Variants in KCNH7 observed in about 807,000 individuals in gnomAD.
The protein encoded by KCNH7 is voltage-gated inwardly rectifying potassium channel KCNH7.
Under a neutral mutation model 120.8 loss-of-function variants are expected in KCNH7, and 49 were observed. The observed-to-expected ratio is 0.41, with a 90% confidence interval of 0.32 to 0.51. The LOEUF is 0.51. Among genes scored for constraint, KCNH7 ranks in the 20% least tolerant of loss-of-function variants. The pLI, the probability that KCNH7 is intolerant of heterozygous loss-of-function variation, is 0.38. For synonymous variants in KCNH7, 547 were observed against 516.1 expected, an observed-to-expected ratio of 1.06 and a Z score of -0.81; for missense variants, 1,097 against 1,446.6, an observed-to-expected ratio of 0.76 and a Z score of 3.92.
chr2:162,427,617 T>C (rs1282607182), intron 8 of KCNH7, among the ~76,000 whole-genome samples: 1 of 151,972 alleles, frequency 6.6e-6, no homozygotes, highest in Non-Finnish European at 1.5e-5. Context: ...GATCTCGGTA[T>C]TGAAAATATT....
intron 6 of KCNH7, among the ~76,000 whole-genome samples, chr2:162,473,085 A>G (rs1689616036): frequency 6.6e-6 from 1 of 151,736 alleles, no homozygotes; most frequent in Non-Finnish European, 1.5e-5. Flanking sequence ...GTAGGGGGAG[A>G]GGGGAGGGAT....
chr2:162,388,746 T>C (rs1479196730), intron 12 of KCNH7, among the ~76,000 whole-genome samples: 1 of 151,968 alleles, frequency 6.6e-6, no homozygotes, highest in Admixed American at 6.6e-5. Flanking sequence ...TATTTTATTT[T>C]GAAGAAACAC....
intron 2 of KCNH7, among the ~76,000 whole-genome samples, chr2:162,756,944 A>G (rs370439900): frequency 9.9e-5 from 15 of 152,274 alleles, no homozygotes; most frequent in South Asian, 8.3e-4. Flanking sequence ...GGCCTGAATC[A>G]ATATCAATTT....
At chr2:162,721,780 A>G (rs925168319) in intron 2 of KCNH7, among the ~76,000 whole-genome samples, 51 of 152,246 alleles carry the variant, frequency 3.3e-4, no homozygotes, top group African/African-American at 1.2e-3. Flanking sequence ...GGTATTATAA[A>G]AAATAATTAA....
At chr2:162,408,869 C>T (rs933647214) in intron 9 of KCNH7, among the ~76,000 whole-genome samples, 2 of 151,298 alleles carry the variant, frequency 1.3e-5, no homozygotes, top group Non-Finnish European at 2.9e-5. Flanking sequence ...GAACAATACT[C>T]GATGATAATT....
chr2:162,568,116 A>G (rs1693322996), intron 2 of KCNH7, among the ~76,000 whole-genome samples: 1 of 152,008 alleles, frequency 6.6e-6, no homozygotes, highest in South Asian at 2.1e-4. Flanking sequence ...TGGCAGCAGA[A>G]GAAGGAATGA....
chr2:162,673,813 G>A (rs551876850), intron 2 of KCNH7, among the ~76,000 whole-genome samples: 4 of 151,830 alleles, frequency 2.6e-5, no homozygotes, highest in Non-Finnish European at 5.9e-5. Context: ...ATCTTCAATA[G>A]AGCTAAAAAT....
chr2:162,741,954 A>G (rs1050606398), intron 2 of KCNH7, among the ~76,000 whole-genome samples: 1 of 152,210 alleles, frequency 6.6e-6, no homozygotes, highest in African/African-American at 2.4e-5. Context: ...GGATTTCTTC[A>G]TACTTTGTTT....
At chr2:162,542,584 C>A (rs1692347068) in intron 2 of KCNH7, among the ~76,000 whole-genome samples, 2 of 151,990 alleles carry the variant, frequency 1.3e-5, no homozygotes, top group South Asian at 4.2e-4. Flanking sequence ...ATGGACTCAT[C>A]ATTTTTTATG....
At chr2:162,619,134 T>C (rs1429886797) in intron 2 of KCNH7, among the ~76,000 whole-genome samples, 1 of 152,054 alleles carries the variant, frequency 6.6e-6, no homozygotes, top group Non-Finnish European at 1.5e-5. Flanking sequence ...CAATTGTGTG[T>C]CAGAGCTGTG....
At chr2:162,491,920 C>T (rs753237867) in intron 6 of KCNH7, among the ~76,000 whole-genome samples, 1 of 152,138 alleles carries the variant, frequency 6.6e-6, no homozygotes, top group South Asian at 2.1e-4. Flanking sequence ...GTCTTCTCTT[C>T]GTGGATGGGT....
chr2:162,456,519 C>T lies in KCNH7; in HGVS notation c.1129-10076G>A, dbSNP rs539904251. 1.5e-3 allele frequency among the ~76,000 whole-genome samples: 234 copies of T among 152,014 alleles called. 2 individuals carry two copies. The highest frequency in any genetic ancestry group is 5.3e-3 in the African/African-American group (219 of 41,516). ...TGGAGAGTTCTGTAGACATCTATTA[C>T]GTCCACTTGATCCACAGCTGAGTTC... is the stretch of plus-strand genomic sequence containing the variant. On this transcript the variant is annotated intron_variant, in intron 6 of 15. Transcript: ENST00000332142.
chr2:162,485,271 T>G (rs977741363), intron 6 of KCNH7, among the ~76,000 whole-genome samples: 2 of 152,170 alleles, frequency 1.3e-5, no homozygotes, highest in Non-Finnish European at 2.9e-5. Flanking sequence ...ATTCAAAATC[T>G]TAAAATTACT....
rs370639240 is a variant in KCNH7, at chr2:162,684,929, C to T, written c.308-147849G>A. Reference sequence around the variant, plus strand: ...TTAACTGCAGCACTGTTCACAATGGCAAAGACTTGGAGCCAACCCAAACGC... The same window carrying T: ...TTAACTGCAGCACTGTTCACAATGGTAAAGACTTGGAGCCAACCCAAACGC... On this transcript the variant is annotated intron_variant, in intron 2 of 15. Coordinates refer to ENST00000332142, the MANE Select transcript of KCNH7 (RefSeq NM_033272.4). 9.2e-5 allele frequency among the ~76,000 whole-genome samples: 14 copies of T among 152,174 alleles called. No homozygotes were observed. In the East Asian group the frequency reaches 2.3e-3, roughly 25 times the overall value.
At chr2:162,733,184 AG>A (rs1687785495) in intron 2 of KCNH7, among the ~76,000 whole-genome samples, 6 of 152,220 alleles carry the variant, frequency 3.9e-5, no homozygotes, top group Admixed American at 3.9e-4. Context: ...TTTGGTGACT[AG>A]GTTGCCAATC....
intron 7 of KCNH7, among the ~76,000 whole-genome samples, chr2:162,438,474 T>TG (rs1393288335): frequency 1.3e-5 from 2 of 152,160 alleles, no homozygotes; most frequent in African/African-American, 4.8e-5. Flanking sequence ...TGGGACATGT[T>TG]GAAGTCTCAA....
intron 2 of KCNH7, among the ~76,000 whole-genome samples, chr2:162,670,679 C>A (rs969508035): frequency 1.3e-5 from 2 of 150,954 alleles, no homozygotes; most frequent in Admixed American, 1.3e-4. Context: ...CCTAGGATAA[C>A]CTGTAATGAT....
Position 162,518,145 on chromosome 2 carries a change from C to T in KCNH7, c.477G>A (p.Gly159=), listed in dbSNP as rs767930016. 6.2e-6 allele frequency: 10 copies of T among 1,607,000 alleles called. No homozygotes were observed. Among genetic ancestry groups the T allele is most frequent in the Non-Finnish European group, 7.7e-6 (9 of 1,176,030 alleles). The change falls in exon 4 of 16, where the codon GGG becomes GGA. Residue 159 remains glycine (G), a synonymous_variant. Coordinates refer to ENST00000332142, the MANE Select transcript of KCNH7 (RefSeq NM_033272.4). ...PIKTVNRKFF[G]FKFPGLRVLT... is the part of the protein sequence containing the mutation. ...GAACTCTCAGACCAGGGAATTTGAA[C>T]CCAAAAAATTTCCCTATAAATGGAG...
chr2:162,718,615 T>C lies in KCNH7; in HGVS notation c.307+117922A>G, dbSNP rs1382702023. Among the ~76,000 whole-genome samples the C allele has an allele frequency of 4.6e-5, 7 of 151,962 alleles. No homozygotes were observed. In the East Asian group the frequency reaches 1.3e-3, roughly 29 times the overall value. ...TCATAAAGTGGCTCTGGAAGAACTT[T>C]CAAAATTGGGTTGTGAGTGTCATAG... On this transcript the variant is annotated intron_variant, in intron 2 of 15. Transcript: ENST00000332142.
Sources: gnomAD v4.1 joint callset for allele counts (sites outside exome capture counted in the v4.1 genomes callset) on GRCh38, gnomAD v4.1.1 for gene constraint, MANE v1.5 for transcripts, NCBI Gene and HGNC (gene_info 2026-07-23, HGNC 2026-07-21) for gene names.